The following THSD4 variants were observed in gnomAD, a reference collection of about 807,000 sequenced individuals.
THSD4 encodes the protein thrombospondin type-1 domain-containing protein 4.
In THSD4, 69 loss-of-function variants were observed where a neutral mutation model predicts 119.0. The observed-to-expected ratio is 0.58, with a 90% CI of 0.48 to 0.71. The LOEUF (loss-of-function observed/expected upper bound fraction) is 0.71. THSD4 is among the 30% of genes least tolerant of loss of function. THSD4 has a pLI of 0.00. For synonymous variants in THSD4, 524 were observed against 540.4 expected, an observed-to-expected ratio of 0.97 and a Z score of 0.42; for missense variants, 1,393 against 1,391.1, an observed-to-expected ratio of 1.00 and a Z score of -0.02.
intron 7 of THSD4, among the ~76,000 whole-genome samples, chr15:71,552,792 GC>G (rs1258075310): frequency 6.6e-6 from 1 of 152,078 alleles, no homozygotes; most frequent in Non-Finnish European, 1.5e-5. Flanking sequence ...GATTACAGGT[GC>G]CCGCCACCAT....
intron 6 of THSD4, among the ~76,000 whole-genome samples, chr15:71,322,426 T>C (rs369688862): frequency 2.6e-5 from 4 of 152,258 alleles, no homozygotes; most frequent in East Asian, 1.9e-4. Flanking sequence ...GACTTCCTTC[T>C]GTTTTAAATT....
intron 6 of THSD4, among the ~76,000 whole-genome samples, chr15:71,301,175 AT>A (rs759790256): frequency 2.1e-4 from 32 of 152,338 alleles, no homozygotes; most frequent in Admixed American, 1.1e-3. Flanking sequence ...AGAGAAAAAA[AT>A]CAGCTCCAGT....
At chr15:71,707,221 G>A (rs965737278) in intron 8 of THSD4, among the ~76,000 whole-genome samples, 12 of 152,206 alleles carry the variant, frequency 7.9e-5, no homozygotes, top group African/African-American at 2.2e-4. Context: ...AAGGCATCAA[G>A]GATGGGACAA....
At chr15:71,726,527 T>C (rs1217633792) in intron 8 of THSD4, among the ~76,000 whole-genome samples, 1 of 152,234 alleles carries the variant, frequency 6.6e-6, no homozygotes, top group African/African-American at 2.4e-5. Context: ...ACACCACTTT[T>C]GCATATGTAT....
At chr15:71,361,887 G>C (rs1324372387) in intron 6 of THSD4, among the ~76,000 whole-genome samples, 2 of 152,176 alleles carry the variant, frequency 1.3e-5, no homozygotes, top group Admixed American at 6.5e-5. Context: ...CACCAAAAAT[G>C]TGTAAAAAGA....
intron 7 of THSD4, among the ~76,000 whole-genome samples, chr15:71,543,470 A>G (rs560229558): frequency 1.7e-4 from 26 of 152,248 alleles, no homozygotes; most frequent in African/African-American, 6.0e-4. Flanking sequence ...CTAGAAGGAA[A>G]CTCAATCAGA....
Position 71,782,381 on chromosome 15 carries a change from C to T in THSD4, c.*5007C>T, listed in dbSNP as rs1209582216. 1 of 152,170 alleles carries T rather than the reference C, an allele frequency of 6.6e-6. No individual in the cohort carries two copies. Among genetic ancestry groups the T allele is most frequent in the East Asian group, 1.9e-4 (1 of 5,196 alleles). 9.4% of individuals were successfully genotyped at this position (152,170 alleles called of 1,614,324 possible). On this transcript the variant is annotated 3_prime_UTR_variant, in exon 18 of 18. Coordinates refer to ENST00000261862, the MANE Select transcript of THSD4 (RefSeq NM_024817.3). Reference sequence around the variant, plus strand: ...CAAACTAATACCCCCTGCCTTGACCCCTTCCCCACGACTCAGTTGACAGAA... The same window carrying T: ...CAAACTAATACCCCCTGCCTTGACCTCTTCCCCACGACTCAGTTGACAGAA...
chr15:71,142,094 A>G, intron 2 of THSD4, among the ~76,000 whole-genome samples: 1 of 151,928 alleles, frequency 6.6e-6, no homozygotes, highest in East Asian at 1.9e-4. Context: ...AAGAACTTAA[A>G]AAAATTGTTC....
chr15:71,611,181 T>A (rs1425295800), intron 7 of THSD4, among the ~76,000 whole-genome samples: 1 of 152,238 alleles, frequency 6.6e-6, no homozygotes, highest in Non-Finnish European at 1.5e-5. Context: ...AATCAGTAAG[T>A]ATGCCACAAA....
At chr15:71,374,394 G>T (rs573710886) in intron 6 of THSD4, among the ~76,000 whole-genome samples, 1 of 152,210 alleles carries the variant, frequency 6.6e-6, no homozygotes, top group Admixed American at 6.5e-5. Flanking sequence ...CAGCAAGTGA[G>T]TATCTGTTAC....
intron 3 of THSD4, among the ~76,000 whole-genome samples, chr15:71,174,245 T>C (rs897023309): frequency 1.3e-5 from 2 of 152,130 alleles, no homozygotes. Flanking sequence ...ACCGGGTTCA[T>C]CTCACTAGGG....
rs1380103112 is a variant in THSD4, at chr15:71,417,741, A to G, written c.1152+5918A>G. Among the ~76,000 whole-genome samples the G allele has an allele frequency of 1.9e-5, 2 of 108,084 alleles. 1 individual carries two copies. The highest frequency in any genetic ancestry group is 4.1e-5 in the Non-Finnish European group (2 of 49,164). 70.9% of individuals were successfully genotyped at this position (108,084 alleles called of 152,430 possible). On this transcript the variant is annotated intron_variant, in intron 7 of 17. Transcript: ENST00000261862. ...TCTTAATCTTTTGTGATTCCATATAAATTTTAAAATTGTGTTTTTCTATTT... is the reference window on the plus strand; with the variant it reads ...TCTTAATCTTTTGTGATTCCATATAGATTTTAAAATTGTGTTTTTCTATTT...
chr15:71,767,284 A>G (rs2053730982), intron 16 of THSD4: 1 of 152,248 alleles, frequency 6.6e-6, no homozygotes, highest in Admixed American at 6.5e-5. Flanking sequence ...GTTTTAAAAA[A>G]GCAATCCCCC....
chr15:71,284,766 A>G (rs2044695872), intron 6 of THSD4, among the ~76,000 whole-genome samples: 1 of 152,190 alleles, frequency 6.6e-6, no homozygotes, highest in Non-Finnish European at 1.5e-5. Flanking sequence ...TTTCTGAATA[A>G]TAAAATAATT....
At chr15:71,354,640 A>G (rs918489714) in intron 6 of THSD4, among the ~76,000 whole-genome samples, 1 of 152,206 alleles carries the variant, frequency 6.6e-6, no homozygotes, top group African/African-American at 2.4e-5. Context: ...GGGCTCTAAC[A>G]TTATTTCTAG....
At chr15:71,486,060 G>T (rs2047811507) in intron 7 of THSD4, among the ~76,000 whole-genome samples, 1 of 152,136 alleles carries the variant, frequency 6.6e-6, no homozygotes, top group African/African-American at 2.4e-5. Flanking sequence ...GCATGAGTAA[G>T]AGGTGATTTC....
At chr15:71,113,091 C>T (rs1348220561), upstream of THSD4, among the ~76,000 whole-genome samples, 2 of 152,158 alleles carry the variant, frequency 1.3e-5, no homozygotes, top group African/African-American at 2.4e-5. Flanking sequence ...TGGGAGGCCG[C>T]AGTGAGAGGA....
intron 7 of THSD4, among the ~76,000 whole-genome samples, chr15:71,575,785 A>C (rs1362535819): frequency 1.3e-5 from 2 of 152,244 alleles, no homozygotes; most frequent in Admixed American, 6.5e-5. Flanking sequence ...ACAACAAAAA[A>C]GTCTACTTTA....
rs2043543230 is a variant in THSD4, at chr15:71,182,582, A to G, written c.99+27650A>G. On this transcript the variant is annotated intron_variant, in intron 3 of 17. Coordinates refer to ENST00000261862, the MANE Select transcript of THSD4 (RefSeq NM_024817.3). ...AAAAGGTGTTTTTTAAATAACTTCT[A>G]AATTCCCACTATGTTATGTTTCCAG... 1.3e-5 allele frequency among the ~76,000 whole-genome samples: 2 copies of G among 151,836 alleles called. 1 individual carries two copies. The highest frequency in any genetic ancestry group is 2.9e-5 in the Non-Finnish European group (2 of 67,920).
Sources: gnomAD v4.1 joint callset for allele counts (sites outside exome capture counted in the v4.1 genomes callset) on GRCh38, gnomAD v4.1.1 for gene constraint, MANE v1.5 for transcripts, NCBI Gene and HGNC (gene_info 2026-07-23, HGNC 2026-07-21) for gene names.